SLAIN1: variants seen among roughly 807,000 people sequenced by gnomAD.
The protein encoded by SLAIN1 is SLAIN family member 1, also known as SLAIN motif-containing protein 1.
SLAIN1 carries 17 observed loss-of-function variants against 55.4 expected under a neutral mutation model. The ratio of observed to expected loss-of-function variants is 0.31; its 90% CI spans 0.21 to 0.46. The LOEUF (loss-of-function observed/expected upper bound fraction) is 0.46, where lower values mean the gene tolerates loss of function less well. SLAIN1 is among the 20% of genes least tolerant of loss of function. The pLI is 1.00. For missense variants in SLAIN1, 682 were observed against 785.1 expected (o/e 0.87, Z 1.57); for synonymous variants, 348 against 337.4 (o/e 1.03, Z -0.35).
intron 3 of SLAIN1, 27 bp from the exon 4 acceptor site, chr13:77,746,487 A>G: frequency 1.9e-6 from 3 of 1,546,980 alleles, no homozygotes; most frequent in Non-Finnish European, 2.6e-6. Flanking sequence ...ATCAAAATAC[A>G]TTAGAGTACT....
Position 77,761,054 on chromosome 13 carries a change from G to C in SLAIN1, c.1641G>C (p.Ser547=). Residue 547 remains serine, a synonymous_variant, in exon 6 of 7, where the codon TCG becomes TCC. Coordinates refer to ENST00000418532, the MANE Select transcript of SLAIN1 (RefSeq NM_001242868.2). ...GTCGCAGTGCACTCCCAAGACCTTC[G>C]TTGGCAATAAATGGGAGTAACCTGC... ...IMGRSALPRP[S]LAINGSNLPR... The C allele has an allele frequency of 6.2e-7, 1 of 1,614,168 alleles. No individual in the cohort carries two copies. Among genetic ancestry groups the C allele is most frequent in the Non-Finnish European group, 8.5e-7 (1 of 1,180,028 alleles).
intron 1 of SLAIN1, among the ~76,000 whole-genome samples, chr13:77,713,567 TTGG>T (rs1466835347): frequency 2.0e-5 from 3 of 152,146 alleles, no homozygotes; most frequent in African/African-American, 4.8e-5. Context: ...TTTTACACTG[TTGG>T]TGGGAGTGTA....
In SLAIN1 at chr13:77,698,459, GC is replaced by G; in HGVS notation, c.552del (p.Thr185ArgfsTer14). On this transcript the variant is annotated frameshift_variant, in exon 1 of 7. Transcript: ENST00000418532. LOFTEE classifies it high-confidence loss of function. The surrounding 1 kb of genome is among the most constrained non-coding windows in gnomAD (Gnocchi z 4.1). The stretch of plus-strand genomic sequence containing the variant: ...GGGCAGCTGCAGCGCCGCCCTCGCC[GC>G]CCCCCACGCTGCTGGACGAGGTGGA... ...PGAAAAPPSP[P>X]PTLLDEVELL... 4.9e-6 allele frequency: 7 copies of G among 1,440,666 alleles called. No individual in the cohort carries two copies. Among genetic ancestry groups the G allele is most frequent in the South Asian group, 2.8e-5 (2 of 72,118 alleles). 89.2% of individuals were successfully genotyped at this position (1,440,666 alleles called of 1,614,324 possible). A position where few individuals can be genotyped will look rare whatever the true frequency, so the allele number is the denominator to read the frequency against.
At chr13:77,754,394 T>G (rs1341571864) in intron 5 of SLAIN1, among the ~76,000 whole-genome samples, 1 of 152,196 alleles carries the variant, frequency 6.6e-6, no homozygotes, top group East Asian at 1.9e-4. Flanking sequence ...ACTCTATGAA[T>G]TAGTTTCTAC....
intron 1 of SLAIN1, among the ~76,000 whole-genome samples, chr13:77,709,545 C>G (rs755354894): frequency 6.6e-6 from 1 of 152,208 alleles, no homozygotes; most frequent in Non-Finnish European, 1.5e-5. Flanking sequence ...ATTAGACTAA[C>G]AGCGGATCTC....
At chr13:77,704,166 A>G (rs1211339839) in intron 1 of SLAIN1, among the ~76,000 whole-genome samples, 48 of 132,402 alleles carry the variant, frequency 3.6e-4, no homozygotes, top group Middle Eastern at 0.01. Flanking sequence ...AAATATATAT[A>G]CATATGTTTT....
At chr13:77,738,217 C>CACGT (rs1873230987) in intron 2 of SLAIN1, among the ~76,000 whole-genome samples, 1 of 51,824 alleles carries the variant, frequency 1.9e-5, no homozygotes, top group African/African-American at 6.7e-5. Flanking sequence ...CACACATATA[C>CACGT]ACATACATAT....
At chr13:77,747,804 A>G (rs1030867605) in intron 4 of SLAIN1, among the ~76,000 whole-genome samples, 14 of 152,166 alleles carry the variant, frequency 9.2e-5, no homozygotes, top group African/African-American at 3.4e-4. Context: ...TGTCTGTGTC[A>G]TTCGTTTATT....
chr13:77,758,982 G>T (rs1874811170), intron 5 of SLAIN1, among the ~76,000 whole-genome samples: 1 of 152,018 alleles, frequency 6.6e-6, no homozygotes, highest in Non-Finnish European at 1.5e-5. Flanking sequence ...AATGATGATG[G>T]TATTTTGATA....
At position 77,763,129 on chromosome 13, in the gene SLAIN1, T is replaced by G; in HGVS notation, c.1698-16T>G. 1 of 1,608,830 alleles carries G rather than the reference T, an allele frequency of 6.2e-7. No individual in the cohort carries two copies. Among genetic ancestry groups the G allele is most frequent in the Non-Finnish European group, 8.5e-7 (1 of 1,175,296 alleles). ...TATTAACAATCTCTCTCTCTGTTTT[T>G]CTTGTCTCTTTTTAGTTTTCTTCAG... On this transcript the variant is annotated splice_polypyrimidine_tract_variant and intron_variant, in intron 6 of 6. Coordinates refer to ENST00000418532, the MANE Select transcript of SLAIN1 (RefSeq NM_001242868.2).
In SLAIN1 at chr13:77,761,119, G is replaced by A. The variant is rs980345369; in HGVS notation, c.1697+9G>A. On this transcript the variant is annotated intron_variant, in intron 6 of 6. Coordinates refer to ENST00000418532, the MANE Select transcript of SLAIN1 (RefSeq NM_001242868.2). ...GCACAACCTGTTAGAAGGTAAGAAT[G>A]TGTATTTGCGTAACTTCATTTGCAG... The A allele has an allele frequency of 1.2e-6, 2 of 1,612,590 alleles. No individual in the cohort carries two copies. The highest frequency in any genetic ancestry group is 1.7e-6 in the Non-Finnish European group (2 of 1,178,828).
chr13:77,731,160 G>GA (rs1872842516), intron 2 of SLAIN1, among the ~76,000 whole-genome samples: 2 of 151,858 alleles, frequency 1.3e-5, no homozygotes, highest in Admixed American at 1.3e-4. Flanking sequence ...TAAGATAGAT[G>GA]AAAAAAAGCC....
At chr13:77,741,321 TG>T (rs1326819762) in intron 2 of SLAIN1, 2 of 987,358 alleles carry the variant, frequency 2.0e-6, no homozygotes. Flanking sequence ...TAGTGTGTGT[TG>T]CATTATTAAC....
intron 1 of SLAIN1, among the ~76,000 whole-genome samples, chr13:77,712,303 T>G (rs1284019446): frequency 6.6e-6 from 1 of 152,178 alleles, no homozygotes; most frequent in Non-Finnish European, 1.5e-5. Context: ...ATGACATGAT[T>G]GTATATTGAG....
chr13:77,735,912 GT>G (rs750100758), intron 2 of SLAIN1, among the ~76,000 whole-genome samples: 23 of 148,184 alleles, frequency 1.6e-4, no homozygotes, highest in South Asian at 4.3e-4. Flanking sequence ...CACTGGGGTG[GT>G]TTTTTTTTTC....
intron 2 of SLAIN1, chr13:77,741,440 T>G: frequency 1.0e-6 from 1 of 987,442 alleles, no homozygotes; most frequent in Non-Finnish European, 1.2e-6. Context: ...GCTTAACCAC[T>G]GTAAGTTACG....
chr13:77,759,068 A>G (rs1431627022), intron 5 of SLAIN1, among the ~76,000 whole-genome samples: 2 of 152,166 alleles, frequency 1.3e-5, no homozygotes, highest in African/African-American at 2.4e-5. Flanking sequence ...TTTCATGAGC[A>G]TGGGATGTGT....
At chr13:77,738,047 G>A (rs908584077) in intron 2 of SLAIN1, among the ~76,000 whole-genome samples, 5 of 152,034 alleles carry the variant, frequency 3.3e-5, no homozygotes, top group Non-Finnish European at 7.4e-5. Flanking sequence ...GCCACATGCT[G>A]TGTGTATCTG....
intron 2 of SLAIN1, among the ~76,000 whole-genome samples, chr13:77,730,460 C>G (rs560720168): frequency 6.6e-6 from 1 of 152,204 alleles, no homozygotes; most frequent in Non-Finnish European, 1.5e-5. Context: ...ATTAATATCC[C>G]AAATTTCTTA....
Sources: allele counts gnomAD v4.1 joint callset (sites outside exome capture counted in the v4.1 genomes callset), GRCh38; gene constraint gnomAD v4.1.1; non-coding constraint Gnocchi (gnomAD v3.1); transcripts MANE v1.5; gene names NCBI Gene and HGNC (gene_info 2026-07-23, HGNC 2026-07-21).